The following NEB variants were observed in gnomAD, a reference collection of about 807,000 sequenced individuals.
The protein encoded by NEB is nemaline myopathy type 2.
Under a neutral mutation model 952.2 loss-of-function variants are expected in NEB, and 512 were observed. The ratio of observed to expected loss-of-function variants is 0.54; its 90% CI spans 0.50 to 0.58. The LOEUF (loss-of-function observed/expected upper bound fraction) is 0.58, where lower values mean the gene tolerates loss of function less well. NEB is among the 20% of genes least tolerant of loss of function. The probability of loss-of-function intolerance (pLI) is 0.00; values close to 1 mark genes in which losing one functional copy is unlikely to be tolerated. For synonymous variants in NEB, 2,900 were observed against 3,149.8 expected (o/e 0.92, Z 2.66); for missense variants, 8,428 against 9,231.1 (o/e 0.91, Z 3.56).
intron 13 of NEB, among the ~76,000 whole-genome samples, chr2:151,706,147 C>A (rs772799428): frequency 1.1e-4 from 16 of 152,190 alleles, no homozygotes; most frequent in Non-Finnish European, 2.2e-4. Context: ...TCCATTTATA[C>A]CCTCTCACTT....
intron 133 of NEB, among the ~76,000 whole-genome samples, chr2:151,546,971 A>G (rs942692277): frequency 6.6e-6 from 1 of 152,158 alleles, no homozygotes; most frequent in Non-Finnish European, 1.5e-5. Context: ...TTTTATTACT[A>G]TAACATTGAT....
intron 62 of NEB, 137 bp downstream of exon 62, chr2:151,639,720 A>C: frequency 1.4e-6 from 1 of 703,526 alleles, no homozygotes; most frequent in Non-Finnish European, 2.3e-6. Flanking sequence ...TAATAGATAG[A>C]TGAGAAGCCA....
chr2:151,633,645 T>C lies in NEB; in HGVS notation c.9414+9A>G, dbSNP rs2154080604. On this transcript the variant is annotated intron_variant, in intron 65 of 181. Transcript: ENST00000397345. ...TATGCACAGCTCCATTTATAGATGC[T>C]GTACTCACGTCACTCTGGAGGTCAT... 12 of 1,606,420 alleles carry C rather than the reference T, an allele frequency of 7.5e-6. No individual in the cohort carries two copies. The highest frequency in any genetic ancestry group is 1.0e-5 in the Non-Finnish European group (12 of 1,174,046).
At chr2:151,687,133 T>A (rs2099509109) in intron 27 of NEB, among the ~76,000 whole-genome samples, 1 of 152,232 alleles carries the variant, frequency 6.6e-6, no homozygotes, top group Non-Finnish European at 1.5e-5. Flanking sequence ...AAATATCTAG[T>A]GATGTTTTCC....
chr2:151,697,864 A>C (rs1463218884), intron 13 of NEB, among the ~76,000 whole-genome samples: 1 of 152,210 alleles, frequency 6.6e-6, no homozygotes, highest in Non-Finnish European at 1.5e-5. Context: ...CAGGAGTTTG[A>C]GACAAGCCTA....
intron 36 of NEB, 29 bp downstream of exon 36, chr2:151,674,448 C>T (rs751900587): frequency 5.1e-6 from 8 of 1,564,192 alleles, no homozygotes; most frequent in South Asian, 2.2e-5. Context: ...AAGGCAAACA[C>T]CTAAACTTCA....
At chr2:151,675,256 A>G in intron 35 of NEB, 31 bp downstream of exon 35, 2 of 1,449,136 alleles carry the variant, frequency 1.4e-6, no homozygotes, top group Non-Finnish European at 1.9e-6. Flanking sequence ...GTCAGGTCCG[A>G]ATTTCACATC....
intron 13 of NEB, among the ~76,000 whole-genome samples, chr2:151,704,097 A>AG (rs2099689814): frequency 3.8e-5 from 3 of 79,618 alleles, no homozygotes; most frequent in Non-Finnish European, 7.3e-5. Flanking sequence ...CCTCAGCTGC[A>AG]GGTCTGTTGG....
intron 52 of NEB, among the ~76,000 whole-genome samples, chr2:151,652,211 T>C (rs911252383): frequency 9.9e-5 from 15 of 152,112 alleles, no homozygotes; most frequent in African/African-American, 3.6e-4. Context: ...CCTGAAGGAC[T>C]CCAAAATTCC....
intron 170 of NEB, 129 bp from the exon 171 acceptor site, chr2:151,497,847 A>G (rs2061337288): frequency 6.6e-7 from 1 of 1,518,570 alleles, no homozygotes; most frequent in Non-Finnish European, 8.8e-7. Flanking sequence ...AATGCCACCG[A>G]CTACTTTAGT....
rs62174730 is a variant in NEB at position 151,692,246 on chromosome 2, C to T, written c.1998+15G>A. On this transcript the variant is annotated intron_variant, in intron 21 of 181. Transcript: ENST00000397345. ...AAAGCCCTCCTACCCGAAAGGTAAC[C>T]GTGGCTTTTCGAACCTCACTGAAGT... 13 of 1,610,808 alleles carry T rather than the reference C, an allele frequency of 8.1e-6. No individual in the cohort carries two copies. Among genetic ancestry groups the T allele is most frequent in the Admixed American group, 3.3e-5 (2 of 59,970 alleles).
chr2:151,619,592 G>A lies in NEB; in HGVS notation c.10731C>T (p.Asp3577=). 6.2e-7 allele frequency: 1 copy of A among 1,613,952 alleles called. No individual in the cohort carries two copies. The highest frequency in any genetic ancestry group is 8.5e-7 in the Non-Finnish European group (1 of 1,179,868). The change falls in exon 73 of 182, where the codon GAC becomes GAT. Residue 3577 remains aspartate, a synonymous_variant. Transcript: ENST00000397345. ...KYKTRYSSPV[D]MLGIVLAKKC... is the part of the protein sequence containing the mutation. ...TCTTGGCCAAAACGATACCAAGCAT[G>A]TCCACTGGGCTGCTGTACCTTGTCT...
At chr2:151,704,513 C>T (rs561180172) in intron 13 of NEB, among the ~76,000 whole-genome samples, 87 of 151,372 alleles carry the variant, frequency 5.7e-4, no homozygotes, top group Admixed American at 3.4e-3. Context: ...ATCAGCGAGA[C>T]TCCGTGGGCG....
At chr2:151,498,891 T>A (rs1575096854) in intron 169 of NEB, among the ~76,000 whole-genome samples, 1 of 150,216 alleles carries the variant, frequency 6.7e-6, no homozygotes, top group South Asian at 2.1e-4. Context: ...GATAAGGTGC[T>A]AAAAAAAAGA....
At chr2:151,734,160 C>T (rs1279610784) in intron 1 of NEB, among the ~76,000 whole-genome samples, 1 of 152,118 alleles carries the variant, frequency 6.6e-6, no homozygotes, top group Non-Finnish European at 1.5e-5. Context: ...AAATGTTAGA[C>T]AAGAGAGCCA....
chr2:151,595,423 T>C (rs1373936419), intron 92 of NEB, among the ~76,000 whole-genome samples: 21 of 127,878 alleles, frequency 1.6e-4, no homozygotes, highest in African/African-American at 6.9e-4. Context: ...AGCTAAGTTT[T>C]TGTTTGTTTG....
At position 151,503,421 on chromosome 2, in the gene NEB, C is replaced by G. The variant is rs201028196; in HGVS notation, c.23763G>C (p.Leu7921Phe). 110 of 1,611,280 alleles carry G rather than the reference C, an allele frequency of 6.8e-5. No homozygotes were observed. The Admixed American group carries it at 1.7e-3, about 25-fold the overall frequency. ...HISSVMYKEN[L>F]GTGIPTTVTP... Reference sequence around the variant, plus strand: ...TCACAGTGGTTGGAATGCCTGTTCCCAAGTTTTCTTTGTACATAACCTGTA... The same window carrying G: ...TCACAGTGGTTGGAATGCCTGTTCCGAAGTTTTCTTTGTACATAACCTGTA... Residue 7921 changes from leucine to phenylalanine, a missense_variant, in exon 166 of 182, where the codon TTG becomes TTC. Around this residue, in one of 11 missense-constraint regions of NEB, gnomAD observed 3,374 missense variants for 3,651.5 expected, o/e 0.92. Coordinates refer to ENST00000397345, the MANE Select transcript of NEB (RefSeq NM_001164508.2).
Position 151,524,364 on chromosome 2 carries a change from G to C in NEB, c.22426C>G (p.Leu7476Val). ...RKEGSHGLSM[L>V]GRPDIEMAKK... The stretch of plus-strand genomic sequence containing the variant: ...GCCATTTCTATGTCTGGGCGACCGA[G>C]CATGCTTAAGCCATGGCTGCCTTCC... Residue 7476 changes from leucine (L) to valine (V), a missense_variant, in exon 153 of 182, where the codon CTC becomes GTC. Transcript: ENST00000397345. The C allele has an allele frequency of 6.2e-7, 1 of 1,613,940 alleles. No homozygotes were observed. The highest frequency in any genetic ancestry group is 1.1e-5 in the South Asian group (1 of 91,084).
intron 28 of NEB, 145 bp from the exon 29 acceptor site, chr2:151,682,914 T>C (rs2099432714): frequency 7.4e-6 from 5 of 675,398 alleles, no homozygotes; most frequent in Admixed American, 3.1e-5. Context: ...TATATTTCTT[T>C]GGTGAGATAT....
Sources: allele counts gnomAD v4.1 joint callset (sites outside exome capture counted in the v4.1 genomes callset), GRCh38; gene constraint gnomAD v4.1.1; regional missense constraint gnomAD v4.1.1; transcripts MANE v1.5; gene names NCBI Gene and HGNC (gene_info 2026-07-23, HGNC 2026-07-21).